The following EFCAB6 variants were observed in gnomAD, a reference collection of about 807,000 sequenced individuals.
EFCAB6 encodes EF-hand calcium binding domain 6.
EFCAB6 carries 156 observed loss-of-function variants against 169.8 expected under a neutral mutation model. The observed-to-expected ratio is 0.92, with a 90% CI of 0.81 to 1.05. The LOEUF (loss-of-function observed/expected upper bound fraction) is 1.05. Among genes scored for constraint, EFCAB6 ranks in the 50% least tolerant of loss-of-function variants. EFCAB6 has a pLI of 0.00. For synonymous variants in EFCAB6, 698 were observed against 676.4 expected (o/e 1.03, Z -0.50); for missense variants, 1,800 against 1,829.1 (o/e 0.98, Z 0.29).
chr22:43,671,777 G>T (rs1569354977), intron 15 of EFCAB6, among the ~76,000 whole-genome samples, 196 bp downstream of exon 15: 1 of 152,176 alleles, frequency 6.6e-6, no homozygotes, highest in Admixed American at 6.5e-5. Context: ...ACCTTACATG[G>T]CTGTGATAAG....
intron 3 of EFCAB6, among the ~76,000 whole-genome samples, chr22:43,777,872 A>G (rs2061690571): frequency 6.6e-6 from 1 of 152,242 alleles, no homozygotes; most frequent in Non-Finnish European, 1.5e-5. Flanking sequence ...AGCAGTAACC[A>G]ACCTTGCAGA....
intron 27 of EFCAB6, among the ~76,000 whole-genome samples, chr22:43,547,551 G>A (rs2048131244): frequency 6.6e-6 from 1 of 150,558 alleles, no homozygotes; most frequent in African/African-American, 2.4e-5. Flanking sequence ...ACCAGCCTGG[G>A]CAACATGGCA....
chr22:43,643,128 G>C (rs1489948809), intron 17 of EFCAB6, among the ~76,000 whole-genome samples: 1 of 152,230 alleles, frequency 6.6e-6, no homozygotes, highest in Non-Finnish European at 1.5e-5. Flanking sequence ...AAGAGCATTT[G>C]ATTGAGGAGC....
chr22:43,765,300 C>T lies in EFCAB6; in HGVS notation c.440+5G>A. On this transcript the variant is annotated splice_donor_5th_base_variant and intron_variant, in intron 5 of 31. Coordinates refer to ENST00000262726, the MANE Select transcript of EFCAB6 (RefSeq NM_022785.4). ...CATTTTCACATGAGCAAACCAAACA[C>T]TTACCTCTTTATACCATTTATATAT... is the stretch of plus-strand genomic sequence containing the variant. 6.2e-7 allele frequency: 1 copy of T among 1,608,624 alleles called. No homozygotes were observed. Among genetic ancestry groups the T allele is most frequent in the Non-Finnish European group, 8.5e-7 (1 of 1,175,694 alleles).
intron 26 of EFCAB6, among the ~76,000 whole-genome samples, chr22:43,575,070 T>G (rs1223979664): frequency 6.6e-6 from 1 of 152,156 alleles, no homozygotes; most frequent in Non-Finnish European, 1.5e-5. Context: ...GTGCTTTGCT[T>G]GTAATGAAGG....
intron 17 of EFCAB6, among the ~76,000 whole-genome samples, chr22:43,657,305 A>C (rs2056797795): frequency 6.6e-6 from 1 of 152,126 alleles, no homozygotes; most frequent in Non-Finnish European, 1.5e-5. Context: ...CCCATCCCCC[A>C]AAATGACTAT....
chr22:43,740,493 G>A (rs1053494831), intron 6 of EFCAB6, among the ~76,000 whole-genome samples: 1 of 152,226 alleles, frequency 6.6e-6, no homozygotes, highest in African/African-American at 2.4e-5. Context: ...CCAATCCTGA[G>A]TGCAGTCATG....
At position 43,539,084 on chromosome 22, in the gene EFCAB6, C is replaced by T. The variant is rs140144952; in HGVS notation, c.3879+1043G>A. 5.2e-3 allele frequency among the ~76,000 whole-genome samples: 791 copies of T among 152,270 alleles called. 4 individuals are homozygous for T. The highest frequency in any genetic ancestry group is 0.041 in the Middle Eastern group (12 of 294). ...ATCTCTCTAGCCCTGAGCCTTCTGC[C>T]TCTGGATTCCCAGTTAAAGACCCAT... On this transcript the variant is annotated intron_variant, in intron 28 of 31. Transcript: ENST00000262726.
Position 43,564,906 on chromosome 22 carries a change from C to T in EFCAB6, c.3421-9810G>A, listed in dbSNP as rs147661806. ...GGGGTGGTAGACTTGTCAACTAAAG[C>T]CGCAGAGCTGGAGAGGCAGCAGTGC... is the stretch of plus-strand genomic sequence containing the variant. On this transcript the variant is annotated intron_variant, in intron 26 of 31. Transcript: ENST00000262726. Among the ~76,000 whole-genome samples, 594 of 152,300 alleles carry T rather than the reference C, an allele frequency of 3.9e-3. 3 individuals are homozygous for T. Among genetic ancestry groups the T allele is most frequent in the Middle Eastern group, 0.014 (4 of 294 alleles).
chr22:43,617,262 C>T (rs369938177), intron 20 of EFCAB6, among the ~76,000 whole-genome samples: 9 of 152,330 alleles, frequency 5.9e-5, no homozygotes, highest in Admixed American at 6.5e-5. Flanking sequence ...TATTTCCCTG[C>T]CTTCACTTTT....
At chr22:43,730,279 G>GAGGGAAGGGAGC (rs2059900639) in intron 8 of EFCAB6, among the ~76,000 whole-genome samples, 1 of 111,190 alleles carries the variant, frequency 9.0e-6, no homozygotes, top group Non-Finnish European at 2.0e-5. Flanking sequence ...AGGGAGGGAG[G>GAGGGAAGGGAGC]GATGGAGGGA....
rs116867416 is a variant in EFCAB6, at chr22:43,733,531, G to A, written c.645-1720C>T. Among the ~76,000 whole-genome samples the A allele has an allele frequency of 4.0e-4, 61 of 152,270 alleles. No homozygotes were observed. The Middle Eastern group carries it at 0.02, about 51-fold the overall frequency. ...TCTGGCCTCTTGTTTTATGTAGGTT[G>A]GAGAGTAGTCTGCTGCCTAAATGGA... On this transcript the variant is annotated intron_variant, in intron 7 of 31. Coordinates refer to ENST00000262726, the MANE Select transcript of EFCAB6 (RefSeq NM_022785.4).
Position 43,528,816 on chromosome 22 carries a change from T to C in EFCAB6, c.*37A>G, listed in dbSNP as rs1190577450. 11 of 1,565,824 alleles carry C rather than the reference T, an allele frequency of 7.0e-6. No homozygotes were observed. Among genetic ancestry groups the C allele is most frequent in the Non-Finnish European group, 9.6e-6 (11 of 1,143,560 alleles). On this transcript the variant is annotated 3_prime_UTR_variant, in exon 32 of 32. Coordinates refer to ENST00000262726, the MANE Select transcript of EFCAB6 (RefSeq NM_022785.4). Reference sequence around the variant, plus strand: ...ATTTTATTAGCCTTGAAACAGGCCCTGTGGCTGTCGTCCCGCTGGGCACAC... The same window carrying C: ...ATTTTATTAGCCTTGAAACAGGCCCCGTGGCTGTCGTCCCGCTGGGCACAC...
chr22:43,563,687 A>C (rs575334131), intron 26 of EFCAB6, among the ~76,000 whole-genome samples: 1 of 152,234 alleles, frequency 6.6e-6, no homozygotes, highest in Non-Finnish European at 1.5e-5. Context: ...TGGTGATTAC[A>C]GATATTTCTG....
intron 17 of EFCAB6, among the ~76,000 whole-genome samples, chr22:43,642,926 G>A (rs146729886): frequency 3.3e-3 from 503 of 152,298 alleles, no homozygotes; most frequent in Non-Finnish European, 5.8e-3. Flanking sequence ...GTCACAGGGC[G>A]CAGGGCATCT....
rs1418734894 is a variant in EFCAB6, at chr22:43,537,146, G to A, written c.4048+231C>T. 2.8e-5 allele frequency: 13 copies of A among 468,752 alleles called. No homozygotes were observed. Among genetic ancestry groups the A allele is most frequent in the Admixed American group, 2.1e-4 (6 of 28,434 alleles). The allele number at this position is 468,752 out of a possible 1,614,324, so 29.0% of individuals were successfully genotyped here. ...TTCTAAAGCTCAGAGTTAGTGCAGC[G>A]CTGACTTTACCATGCAGATGGGCCC... On this transcript the variant is annotated intron_variant, in intron 29 of 31. Coordinates refer to ENST00000262726, the MANE Select transcript of EFCAB6 (RefSeq NM_022785.4). The surrounding 1 kb of genome is among the most constrained non-coding windows in gnomAD (Gnocchi z 4.3).
chr22:43,772,148 A>G (rs952479990), intron 4 of EFCAB6, among the ~76,000 whole-genome samples: 1 of 152,110 alleles, frequency 6.6e-6, no homozygotes, highest in Non-Finnish European at 1.5e-5. Flanking sequence ...GCACTTGCCA[A>G]CACTCCGTAA....
At chr22:43,700,113 G>A (rs1450559810) in intron 10 of EFCAB6, among the ~76,000 whole-genome samples, 5 of 152,134 alleles carry the variant, frequency 3.3e-5, no homozygotes, top group South Asian at 2.1e-4. Context: ...TCAAAGGGTC[G>A]AGTTAGCAGT....
rs559869793 is a variant in EFCAB6 at position 43,651,639 on chromosome 22, C to T, written c.1983+15465G>A. 3.3e-5 allele frequency among the ~76,000 whole-genome samples: 5 copies of T among 152,214 alleles called. No individual in the cohort carries two copies. In the South Asian group the frequency reaches 6.2e-4, roughly 19 times the overall value. On this transcript the variant is annotated intron_variant, in intron 17 of 31. Transcript: ENST00000262726. ...AGATCCACTGAAAGCTTGGACCATGCTCCTGGAAAAGCTGCAGACACTCAA... is the reference window on the plus strand; with the variant it reads ...AGATCCACTGAAAGCTTGGACCATGTTCCTGGAAAAGCTGCAGACACTCAA...
Sources: gnomAD v4.1 joint callset for allele counts (sites outside exome capture counted in the v4.1 genomes callset) on GRCh38, gnomAD v4.1.1 for gene constraint, Gnocchi (gnomAD v3.1) non-coding constraint, MANE v1.5 for transcripts, NCBI Gene and HGNC (gene_info 2026-07-23, HGNC 2026-07-21) for gene names.